CDK2AP1: variants seen among roughly 807,000 people sequenced by gnomAD.
The protein encoded by CDK2AP1 is cyclin-dependent kinase 2-associated protein 1.
A neutral mutation model predicts 14.1 loss-of-function variants in CDK2AP1; 10 were observed. The observed-to-expected ratio is 0.71, with a 90% CI of 0.44 to 1.20. CDK2AP1 has a LOEUF of 1.20. Ranked by LOEUF, CDK2AP1 falls within the 50% of genes most tolerant of loss-of-function variation. The probability of loss-of-function intolerance (pLI) is 0.00; values close to 1 mark genes in which losing one functional copy is unlikely to be tolerated. For synonymous variants in CDK2AP1, 59 were observed against 59.8 expected (o/e 0.99, Z 0.06); for missense variants, 102 against 149.9 (o/e 0.68, Z 1.67).
At chr12:123,270,196 T>G (rs1216515213) in intron 1 of CDK2AP1, 16 of 984,382 alleles carry the variant, frequency 1.6e-5, no homozygotes, top group African/African-American at 1.7e-5. Flanking sequence ...AAGCCCGTCT[T>G]TGTAAGGTCT....
In CDK2AP1 at chr12:123,265,322, C is replaced by A. The variant is rs1186057116; in HGVS notation, c.154G>T (p.Gly52Ter). Residue 52 changes from glycine to a stop codon, truncating the protein, a stop_gained and splice_region_variant, in exon 3 of 4, where the codon GGA becomes TGA. Coordinates refer to ENST00000261692, the MANE Select transcript of CDK2AP1 (RefSeq NM_004642.4). LOFTEE classifies it high-confidence loss of function. The surrounding 1 kb of genome is among the most constrained non-coding windows in gnomAD (Gnocchi z 5.3). ...TGGGGCACCTGGCTGTTCCCAGTTC[C>A]CTAGAATCAGAAAGAAATGGGTTCA... ...YGPPSLGYTQ[G>*]TGNSQVPQSK... 6.2e-7 allele frequency: 1 copy of A among 1,614,068 alleles called. No individual in the cohort carries two copies. The highest frequency in any genetic ancestry group is 8.5e-7 in the Non-Finnish European group (1 of 1,179,998).
intron 1 of CDK2AP1, among the ~76,000 whole-genome samples, chr12:123,269,563 G>T (rs1276949424): frequency 6.6e-6 from 1 of 152,234 alleles, no homozygotes; most frequent in Non-Finnish European, 1.5e-5. Context: ...GGAGCGAGGG[G>T]TTGGCAGAGG....
chr12:123,270,918 T>A (rs1393752032), intron 1 of CDK2AP1: 1 of 984,646 alleles, frequency 1.0e-6, no homozygotes, highest in Admixed American at 6.2e-5. Flanking sequence ...CCGCATGGGG[T>A]AGCCCCTGCT....
In CDK2AP1 at chr12:123,271,667, G is replaced by C. The variant is rs2048354912; in HGVS notation, c.-49C>G. On this transcript the variant is annotated 5_prime_UTR_variant, in exon 1 of 4. Transcript: ENST00000261692. Reference sequence around the variant, plus strand: ...GGCGCGGCGGGGCCAGGCCGCGAGGGCGGCGGCGGCGGCGGCGAGGCCGGG... The same window carrying C: ...GGCGCGGCGGGGCCAGGCCGCGAGGCCGGCGGCGGCGGCGGCGAGGCCGGG... 3 of 702,552 alleles carry C rather than the reference G, an allele frequency of 4.3e-6. No homozygotes were observed. Among genetic ancestry groups the C allele is most frequent in the Non-Finnish European group, 5.2e-6 (3 of 574,338 alleles). 43.5% of individuals were successfully genotyped at this position (702,552 alleles called of 1,614,324 possible).
At chr12:123,270,823 C>G in intron 1 of CDK2AP1, 2 of 985,268 alleles carry the variant, frequency 2.0e-6, no homozygotes, top group Non-Finnish European at 2.4e-6. Context: ...CCCACTGCCC[C>G]CACGCCCGCG....
At chr12:123,268,106 G>C in intron 1 of CDK2AP1, 1 of 811,996 alleles carries the variant, frequency 1.2e-6, no homozygotes. Context: ...GCGTCCCAGT[G>C]GCCATTAGCG....
At chr12:123,268,161 G>C in intron 1 of CDK2AP1, 2 of 981,240 alleles carry the variant, frequency 2.0e-6, no homozygotes, top group Non-Finnish European at 2.4e-6. Flanking sequence ...TAACCATGGA[G>C]AATTTACCTA....
chr12:123,261,724 C>T lies in CDK2AP1; in HGVS notation c.*12G>A. 3.1e-6 allele frequency: 5 copies of T among 1,610,670 alleles called. No homozygotes were observed. The highest frequency in any genetic ancestry group is 4.2e-6 in the Non-Finnish European group (5 of 1,176,886). Reference sequence around the variant, plus strand: ...GTAAAAAGATGGAAATCCTTCAAAACCAACAAGGCAGCTAGGATCTGGCAT... The same window carrying T: ...GTAAAAAGATGGAAATCCTTCAAAATCAACAAGGCAGCTAGGATCTGGCAT... On this transcript the variant is annotated 3_prime_UTR_variant, in exon 4 of 4. Transcript: ENST00000261692.
At chr12:123,268,377 G>A (rs1393330356) in intron 1 of CDK2AP1, 1 of 250,044 alleles carries the variant, frequency 4.0e-6, no homozygotes, top group Non-Finnish European at 6.3e-6. Context: ...GCCGGGAGGA[G>A]CACTGGAGAA....
intron 1 of CDK2AP1, chr12:123,270,830 C>A (rs960012022): frequency 3.0e-6 from 3 of 985,438 alleles, no homozygotes; most frequent in Non-Finnish European, 3.6e-6. Flanking sequence ...CCCCCACGCC[C>A]GCGCGCGGGC....
In CDK2AP1 at chr12:123,269,984, G is replaced by C. The variant is rs543039275; in HGVS notation, c.55+1580C>G. Among the ~76,000 whole-genome samples, 96 of 152,266 alleles carry C rather than the reference G, an allele frequency of 6.3e-4. 2 individuals carry two copies. Among genetic ancestry groups the C allele is most frequent in the Middle Eastern group, 3.4e-3 (1 of 294 alleles). ...AGAAGAAAAGCTGAGTACAGGTCCAGCCAGCCCAGAACAGGACTTCAGGGG... is the reference window on the plus strand; with the variant it reads ...AGAAGAAAAGCTGAGTACAGGTCCACCCAGCCCAGAACAGGACTTCAGGGG... On this transcript the variant is annotated intron_variant, in intron 1 of 3. Transcript: ENST00000261692.
At chr12:123,270,327 C>A (rs1566006366) in intron 1 of CDK2AP1, 2 of 226,114 alleles carry the variant, frequency 8.8e-6, no homozygotes, top group Non-Finnish European at 1.5e-5. Flanking sequence ...TTAACCCTTT[C>A]CTGCCCCTAC....
intron 2 of CDK2AP1, among the ~76,000 whole-genome samples, chr12:123,266,362 C>T (rs896577575): frequency 4.6e-5 from 7 of 152,256 alleles, no homozygotes; most frequent in South Asian, 2.1e-4. Context: ...CTTCTTCAGC[C>T]GGTCCCGCTC....
chr12:123,270,919 A>ATACCC (rs1294188715), intron 1 of CDK2AP1: 14 of 984,958 alleles, frequency 1.4e-5, no homozygotes, highest in Non-Finnish European at 1.7e-5. Context: ...CGCATGGGGT[A>ATACCC]GCCCCTGCTC....
chr12:123,270,118 G>A (rs906382045), intron 1 of CDK2AP1: 2 of 619,106 alleles, frequency 3.2e-6, no homozygotes, highest in African/African-American at 4.0e-5. Flanking sequence ...GCCCAGGCTG[G>A]CAACACCAGC....
At position 123,265,595 on chromosome 12, in the gene CDK2AP1, G is replaced by A. The variant is rs892494303; in HGVS notation, c.154-273C>T. Among the ~76,000 whole-genome samples, 2 of 151,900 alleles carry A rather than the reference G, an allele frequency of 1.3e-5. No homozygotes were observed. Among genetic ancestry groups the A allele is most frequent in the Non-Finnish European group, 2.9e-5 (2 of 67,998 alleles). ...CCCCGGGCCGGTCAGGATAGGGAACGCAGCCCAGCCTCAGACTTCTGGGGC... is the reference window on the plus strand; with the variant it reads ...CCCCGGGCCGGTCAGGATAGGGAACACAGCCCAGCCTCAGACTTCTGGGGC... On this transcript the variant is annotated intron_variant, in intron 2 of 3. Transcript: ENST00000261692. This position sits in a 1 kb window ranked among gnomAD's most constrained non-coding sequence, Gnocchi z 5.3.
At chr12:123,267,114 TCTCTC>T in intron 2 of CDK2AP1, 66 bp downstream of exon 2, 1 of 939,878 alleles carries the variant, frequency 1.1e-6, no homozygotes, top group Non-Finnish European at 1.8e-6. Context: ...TCCACCAACT[TCTCTC>T]CTCTGATGGT....
At chr12:123,262,276 C>T (rs978830299) in intron 3 of CDK2AP1, 1 of 153,548 alleles carries the variant, frequency 6.5e-6, no homozygotes, top group Non-Finnish European at 1.4e-5. Flanking sequence ...GGGGACAACC[C>T]CACAAGACTG....
rs889888727 is a variant in CDK2AP1, at chr12:123,261,630, G to A, written c.*106C>T. The A allele has an allele frequency of 1.4e-5, 13 of 935,792 alleles. No homozygotes were observed. Among genetic ancestry groups the A allele is most frequent in the Admixed American group, 3.8e-5 (2 of 52,902 alleles). 58.0% of individuals were successfully genotyped at this position (935,792 alleles called of 1,614,324 possible). On this transcript the variant is annotated 3_prime_UTR_variant, in exon 4 of 4. Transcript: ENST00000261692. ...CCAAGTGAACCATGGGAGGAAAAACGAAACTGTAACCATTTTGAAAACAAG... is the reference window on the plus strand; with the variant it reads ...CCAAGTGAACCATGGGAGGAAAAACAAAACTGTAACCATTTTGAAAACAAG...
Sources: allele counts gnomAD v4.1 joint callset (sites outside exome capture counted in the v4.1 genomes callset), GRCh38; gene constraint gnomAD v4.1.1; non-coding constraint Gnocchi (gnomAD v3.1); transcripts MANE v1.5; gene names NCBI Gene and HGNC (gene_info 2026-07-23, HGNC 2026-07-21).